Variants in EXOC6B observed in about 807,000 individuals in gnomAD.
EXOC6B encodes exocyst complex component 6B.
A neutral mutation model predicts 113.5 loss-of-function variants in EXOC6B; 54 were observed. The observed-to-expected ratio is 0.48, with a 90% confidence interval of 0.38 to 0.60. EXOC6B has a LOEUF of 0.60. Among genes scored for constraint, EXOC6B ranks in the 20% least tolerant of loss-of-function variants. EXOC6B has a pLI of 0.00. For synonymous variants in EXOC6B, 357 were observed against 339.0 expected (o/e 1.05, Z -0.58); for missense variants, 797 against 977.5 (o/e 0.82, Z 2.46).
intron 1 of EXOC6B, among the ~76,000 whole-genome samples, chr2:72,800,788 G>C (rs1004368796): frequency 1.6e-4 from 25 of 152,180 alleles, no homozygotes; most frequent in Admixed American, 3.3e-4. Context: ...GTAATAAAAA[G>C]AGATAAGCCA....
At position 72,445,363 on chromosome 2, in the gene EXOC6B, C is replaced by A. The variant is rs149471512; in HGVS notation, c.1980+19797G>T. On this transcript the variant is annotated intron_variant, in intron 18 of 21. Transcript: ENST00000272427. ...TTCCCACATTTTCCTGACTTCTGGG[C>A]CATCAAACTGTTCCAACCTCTGCCC... Among the ~76,000 whole-genome samples, 179 of 152,264 alleles carry A rather than the reference C, an allele frequency of 1.2e-3. 1 individual carries two copies. Among genetic ancestry groups the A allele is most frequent in the African/African-American group, 3.9e-3 (161 of 41,558 alleles).
rs113003565 is a variant in EXOC6B, at chr2:72,781,862, G to A, written c.114-40393C>T. 5.4e-4 allele frequency among the ~76,000 whole-genome samples: 82 copies of A among 152,220 alleles called. 1 individual carries two copies. Among genetic ancestry groups the A allele is most frequent in the African/African-American group, 1.8e-3 (74 of 41,554 alleles). ...AAAGAAATATTGAGTATATAGGCCA[G>A]GCGCAGTGGTTCGCACTTGTAATCC... On this transcript the variant is annotated intron_variant, in intron 1 of 21. Coordinates refer to ENST00000272427, the MANE Select transcript of EXOC6B (RefSeq NM_015189.3).
chr2:72,580,002 C>CT (rs1366053684), intron 6 of EXOC6B, among the ~76,000 whole-genome samples: 1 of 151,836 alleles, frequency 6.6e-6, no homozygotes, highest in African/African-American at 2.4e-5. Context: ...TCAAACCTAC[C>CT]TCAAAGCTGC....
At chr2:72,724,654 G>A (rs975217059) in intron 5 of EXOC6B, among the ~76,000 whole-genome samples, 10 of 151,990 alleles carry the variant, frequency 6.6e-5, no homozygotes, top group African/African-American at 9.7e-5. Flanking sequence ...GGCAGAATTC[G>A]CAAAGGAGTA....
chr2:72,677,733 C>G (rs1676415117), intron 6 of EXOC6B, among the ~76,000 whole-genome samples: 1 of 152,218 alleles, frequency 6.6e-6, no homozygotes, highest in South Asian at 2.1e-4. Context: ...ATTCTGCCTT[C>G]AAGTCTTTGG....
chr2:72,264,552 C>T (rs907023591), intron 20 of EXOC6B, among the ~76,000 whole-genome samples: 3 of 152,054 alleles, frequency 2.0e-5, no homozygotes, highest in Non-Finnish European at 2.9e-5. Context: ...GCCTAGGTGA[C>T]GAGCGAAATT....
chr2:72,687,166 C>T (rs1677146582), intron 6 of EXOC6B, among the ~76,000 whole-genome samples: 2 of 151,726 alleles, frequency 1.3e-5, no homozygotes, highest in African/African-American at 2.4e-5. Context: ...TTGTTTTTTC[C>T]CCAACTTCCC....
intron 17 of EXOC6B, among the ~76,000 whole-genome samples, chr2:72,470,609 C>A (rs913420710): frequency 2.9e-5 from 4 of 140,048 alleles, no homozygotes; most frequent in African/African-American, 1.0e-4. Context: ...TAATGCTATC[C>A]CTCCCCCCTC....
chr2:72,804,258 A>G (rs993134287), intron 1 of EXOC6B, among the ~76,000 whole-genome samples: 11 of 152,130 alleles, frequency 7.2e-5, no homozygotes, highest in Admixed American at 6.5e-4. Context: ...GAGTGAATTT[A>G]ATTTTTATTT....
chr2:72,487,214 C>T (rs1699475594), intron 16 of EXOC6B, among the ~76,000 whole-genome samples: 1 of 152,146 alleles, frequency 6.6e-6, no homozygotes, highest in Non-Finnish European at 1.5e-5. Context: ...ACTAGTTTTT[C>T]CTTAACGTTC....
intron 20 of EXOC6B, among the ~76,000 whole-genome samples, chr2:72,334,219 C>T (rs771767901): frequency 2.0e-5 from 3 of 152,090 alleles, no homozygotes; most frequent in Non-Finnish European, 2.9e-5. Flanking sequence ...GGCCCCCGCT[C>T]ACCCTGTTCC....
At chr2:72,622,504 A>G (rs781683426) in intron 6 of EXOC6B, among the ~76,000 whole-genome samples, 4 of 152,204 alleles carry the variant, frequency 2.6e-5, no homozygotes, top group Non-Finnish European at 4.4e-5. Flanking sequence ...GCTTGGGCTC[A>G]GGAGTTTGAG....
At chr2:72,223,832 T>C (rs185743872) in intron 20 of EXOC6B, among the ~76,000 whole-genome samples, 36 of 152,298 alleles carry the variant, frequency 2.4e-4, no homozygotes, top group African/African-American at 8.7e-4. Flanking sequence ...GAATTCAGAT[T>C]TGTCTTGTCT....
chr2:72,354,659 T>C (rs1011780500), intron 19 of EXOC6B, among the ~76,000 whole-genome samples: 3 of 152,198 alleles, frequency 2.0e-5, no homozygotes, highest in African/African-American at 4.8e-5. Flanking sequence ...GTACTACTCA[T>C]TGACCCATGT....
chr2:72,454,379 C>T (rs927750382), intron 18 of EXOC6B, among the ~76,000 whole-genome samples: 3 of 152,058 alleles, frequency 2.0e-5, no homozygotes, highest in Non-Finnish European at 2.9e-5. Flanking sequence ...CAGCACACGC[C>T]TGTAATCCTA....
In EXOC6B at chr2:72,741,446, T is replaced by C. The variant is rs1681318581; in HGVS notation, c.137A>G (p.His46Arg). Residue 46 changes from histidine to arginine, a missense_variant, in exon 2 of 22, where the codon CAT becomes CGT. Physicochemically the swap from His to Arg is conservative, Grantham distance 29. Transcript: ENST00000272427. ...TLRSVYDGEE[H>R]GRFMEKLETR... The stretch of plus-strand genomic sequence containing the variant: ...TTCAAGCTTCTCCATGAAACGTCCA[T>C]GTTCTTCACCATCATAAACAGACCT... 1 of 1,613,600 alleles carries C rather than the reference T, an allele frequency of 6.2e-7. No homozygotes were observed.
chr2:72,668,821 G>C (rs1675576781), intron 6 of EXOC6B, among the ~76,000 whole-genome samples: 1 of 152,146 alleles, frequency 6.6e-6, no homozygotes, highest in Admixed American at 6.5e-5. Context: ...TGGGTATTAT[G>C]CTAACCACCA....
intron 20 of EXOC6B, among the ~76,000 whole-genome samples, chr2:72,209,223 C>CAAAAAAAAAAAAAAAAAAAAAAA (rs1170760516): frequency 3.5e-5 from 2 of 57,104 alleles, no homozygotes; most frequent in African/African-American, 6.0e-5. Flanking sequence ...AACTCAGTCT[C>CAAAAAAAAAAAAAAAAAAAAAAA]AAAAAAAAAA....
At chr2:72,517,731 C>G (rs768829127) in intron 8 of EXOC6B, among the ~76,000 whole-genome samples, 3 of 152,040 alleles carry the variant, frequency 2.0e-5, no homozygotes, top group Non-Finnish European at 2.9e-5. Context: ...TGCTTTGGAG[C>G]CAAGACACAC....
Sources: allele counts gnomAD v4.1 joint callset (sites outside exome capture counted in the v4.1 genomes callset), GRCh38; gene constraint gnomAD v4.1.1; transcripts MANE v1.5; gene names NCBI Gene and HGNC (gene_info 2026-07-23, HGNC 2026-07-21).